Variants in PDE11A observed in about 807,000 individuals in gnomAD.
The protein encoded by PDE11A is dual 3',5'-cyclic-AMP and -GMP phosphodiesterase 11A.
Under a neutral mutation model 100.5 loss-of-function variants are expected in PDE11A, and 100 were observed. The ratio of observed to expected loss-of-function variants is 1.00; its 90% CI spans 0.85 to 1.18. PDE11A has a LOEUF of 1.18. Among genes scored for constraint, PDE11A ranks in the 50% most tolerant of loss-of-function variants. The probability of loss-of-function intolerance (pLI) is 0.00; values close to 1 mark genes in which losing one functional copy is unlikely to be tolerated. For missense variants in PDE11A, 1,141 were observed against 1,152.6 expected, an observed-to-expected ratio of 0.99 and a Z score of 0.15; for synonymous variants, 381 against 420.8, an observed-to-expected ratio of 0.91 and a Z score of 1.16.
At chr2:177,958,764 A>G (rs762479655) in intron 2 of PDE11A, among the ~76,000 whole-genome samples, 4 of 152,208 alleles carry the variant, frequency 2.6e-5, no homozygotes, top group Non-Finnish European at 4.4e-5. Flanking sequence ...GCCTCTCCAT[A>G]TAATTCCAGA....
intron 1 of PDE11A, among the ~76,000 whole-genome samples, chr2:178,038,203 A>C (rs1480794775): frequency 2.0e-5 from 3 of 152,114 alleles, no homozygotes; most frequent in Non-Finnish European, 4.4e-5. Flanking sequence ...ACACCCATGA[A>C]ATGGCCACAA....
chr2:177,819,066 A>G (rs1558954122), intron 7 of PDE11A, among the ~76,000 whole-genome samples: 2 of 152,098 alleles, frequency 1.3e-5, no homozygotes, highest in Non-Finnish European at 2.9e-5. Context: ...ATGTAGGACT[A>G]CGAGATTGCC....
At chr2:177,669,347 T>C in intron 18 of PDE11A, 146 bp downstream of exon 18, 2 of 612,216 alleles carry the variant, frequency 3.3e-6, no homozygotes, top group Admixed American at 2.5e-5. Flanking sequence ...GTGTTTAGCA[T>C]TTGAGTTTAA....
intron 19 of PDE11A, among the ~76,000 whole-genome samples, chr2:177,637,979 G>GTGTA (rs1474742133): frequency 9.8e-5 from 5 of 50,936 alleles, no homozygotes; most frequent in East Asian, 1.2e-3. Context: ...ATATACACGT[G>GTGTA]TATATATATA....
At chr2:177,662,719 T>C (rs2080501924) in intron 19 of PDE11A, among the ~76,000 whole-genome samples, 1 of 152,256 alleles carries the variant, frequency 6.6e-6, no homozygotes, top group Non-Finnish European at 1.5e-5. Context: ...GTAGATTATT[T>C]TAAAACTTTA....
rs573956507 is a variant in PDE11A at position 178,096,324 on chromosome 2, C to T, written c.162+7978G>A. Reference sequence around the variant, plus strand: ...GAGTACAGGCACCCACCATCAAGCCCAGCTAATTTTTTTTTTTTTTTTGTA... The same window carrying T: ...GAGTACAGGCACCCACCATCAAGCCTAGCTAATTTTTTTTTTTTTTTTGTA... On this transcript the variant is annotated intron_variant, in intron 2 of 20. Transcript: ENST00000358450. 4.7e-3 allele frequency among the ~76,000 whole-genome samples: 645 copies of T among 136,030 alleles called. 2 individuals are homozygous for T. Among genetic ancestry groups the T allele is most frequent in the African/African-American group, 0.017 (624 of 37,666 alleles). 89.2% of individuals were successfully genotyped at this position (136,030 alleles called of 152,430 possible). A position where few individuals can be genotyped will look rare whatever the true frequency, so the allele number is the denominator to read the frequency against.
chr2:177,754,245 G>A (rs2082061193), intron 10 of PDE11A, among the ~76,000 whole-genome samples: 1 of 152,122 alleles, frequency 6.6e-6, no homozygotes. Context: ...TTTCAAGGCT[G>A]AGTGACAACT....
chr2:177,683,417 A>G (rs551143343), intron 15 of PDE11A: 1 of 152,358 alleles, frequency 6.6e-6, no homozygotes, highest in Admixed American at 6.5e-5. Context: ...CACTTGACCC[A>G]TTCCCTTCTT....
chr2:177,945,288 G>A (rs2085396301), intron 2 of PDE11A, among the ~76,000 whole-genome samples: 1 of 148,952 alleles, frequency 6.7e-6, no homozygotes, highest in African/African-American at 2.5e-5. Flanking sequence ...CCCATCGTCT[G>A]GGATGTGAGG....
chr2:178,001,311 T>TGTGTGTGTGTGG (rs59287027), intron 2 of PDE11A, among the ~76,000 whole-genome samples: 5,584 of 148,066 alleles, frequency 0.038, 140 homozygotes, highest in Non-Finnish European at 0.058. Context: ...TGTGTGTGTG[T>TGTGTGTGTGTGG]AGTAGGTTTA....
intron 9 of PDE11A, among the ~76,000 whole-genome samples, chr2:177,773,611 TAGAC>T (rs934276156): frequency 1.4e-4 from 21 of 152,184 alleles, no homozygotes; most frequent in African/African-American, 5.1e-4. Flanking sequence ...TCTACCTAAT[TAGAC>T]AAAGTTAATG....
chr2:177,883,218 G>A (rs1053083077), intron 4 of PDE11A, among the ~76,000 whole-genome samples: 1 of 150,120 alleles, frequency 6.7e-6, no homozygotes, highest in African/African-American at 2.5e-5. Flanking sequence ...GCAGTGAGCC[G>A]AGATGCACCA....
Position 178,071,600 on chromosome 2 carries a change from C to A in PDE11A, c.838G>T (p.Val280Phe), listed in dbSNP as rs1182538799. 3 of 1,613,846 alleles carry A rather than the reference C, an allele frequency of 1.9e-6. No homozygotes were observed. Among genetic ancestry groups the A allele is most frequent in the Non-Finnish European group, 2.5e-6 (3 of 1,179,770 alleles). Reference protein sequence around the residue: ...SSTENSNEVQVPWGKGIIGYV... With the variant: ...SSTENSNEVQFPWGKGIIGYV... ...CCAATGATACCTTTGCCCCAGGGGACCTGCACCTCATTTGAGTTCTCTGTG... is the reference window on the plus strand; with the variant it reads ...CCAATGATACCTTTGCCCCAGGGGAACTGCACCTCATTTGAGTTCTCTGTG... The change falls in exon 1 of 20, where the codon GTC becomes TTC. Residue 280 changes from valine (V) to phenylalanine (F), a missense_variant. Transcript: ENST00000286063.
At chr2:177,853,140 T>TG (rs2083745221) in intron 5 of PDE11A, among the ~76,000 whole-genome samples, 2 of 151,058 alleles carry the variant, frequency 1.3e-5, no homozygotes, top group Admixed American at 6.6e-5. Context: ...GGGTGGTTTT[T>TG]TTGTTGTTGT....
At chr2:177,793,761 A>AC (rs1558941648) in intron 9 of PDE11A, among the ~76,000 whole-genome samples, 1 of 152,114 alleles carries the variant, frequency 6.6e-6, no homozygotes, top group African/African-American at 2.4e-5. Context: ...CATCGCTCAC[A>AC]CTGCGGCAGT....
At chr2:177,700,671 G>A (rs1179508740) in intron 14 of PDE11A, among the ~76,000 whole-genome samples, 1 of 152,136 alleles carries the variant, frequency 6.6e-6, no homozygotes, top group African/African-American at 2.4e-5. Context: ...CTTTTAAGTT[G>A]TATAGTTTCT....
At chr2:177,727,886 TC>T (rs1252015218) in intron 11 of PDE11A, 121 bp from the exon 12 acceptor site, 2 of 981,502 alleles carry the variant, frequency 2.0e-6, no homozygotes, top group African/African-American at 1.6e-5. Context: ...AAACATCTCT[TC>T]TGGTTCTCAC....
At chr2:177,877,497 C>T (rs750340321) in intron 4 of PDE11A, among the ~76,000 whole-genome samples, 10 of 152,094 alleles carry the variant, frequency 6.6e-5, no homozygotes, top group East Asian at 3.9e-4. Flanking sequence ...TAAAGTCTCC[C>T]GGGTAATCTC....
intron 9 of PDE11A, among the ~76,000 whole-genome samples, chr2:177,809,670 C>T (rs1344096071): frequency 6.6e-6 from 1 of 151,930 alleles, no homozygotes; most frequent in Admixed American, 6.6e-5. Flanking sequence ...GACTGTGTCT[C>T]TCTCCTGACT....
Sources: gnomAD v4.1 joint callset for allele counts (sites outside exome capture counted in the v4.1 genomes callset) on GRCh38, gnomAD v4.1.1 for gene constraint, MANE v1.5 for transcripts, NCBI Gene and HGNC (gene_info 2026-07-23, HGNC 2026-07-21) for gene names.